Variants in CYRIA observed in about 807,000 individuals in gnomAD.
CYRIA encodes the protein CYFIP related Rac1 interactor A, also known as CYFIP-related Rac1 interactor A.
CYRIA carries 15 observed loss-of-function variants against 43.9 expected under a neutral mutation model. The observed-to-expected ratio is 0.34, with a 90% CI of 0.23 to 0.53. The LOEUF (loss-of-function observed/expected upper bound fraction) is 0.53. Ranked by LOEUF, CYRIA falls within the 20% of genes least tolerant of loss-of-function variation. CYRIA has a pLI of 0.94. For missense variants in CYRIA, 236 were observed against 394.2 expected, an observed-to-expected ratio of 0.60 and a Z score of 3.40; for synonymous variants, 117 against 136.0, an observed-to-expected ratio of 0.86 and a Z score of 0.97.
chr2:16,570,535 G>A (rs535441731), intron 3 of CYRIA, among the ~76,000 whole-genome samples: 1 of 152,166 alleles, frequency 6.6e-6, no homozygotes, highest in African/African-American at 2.4e-5. Flanking sequence ...TGGCCTTCTC[G>A]ATATTCAGAT....
intron 1 of CYRIA, among the ~76,000 whole-genome samples, chr2:16,640,611 C>T (rs542481604): frequency 1.4e-4 from 22 of 152,154 alleles, no homozygotes; most frequent in Non-Finnish European, 2.8e-4. Flanking sequence ...CACTGTGTAT[C>T]GCCCTCTCTG....
chr2:16,590,506 T>A (rs1039579103), intron 2 of CYRIA, among the ~76,000 whole-genome samples: 2 of 152,154 alleles, frequency 1.3e-5, no homozygotes, highest in Non-Finnish European at 1.5e-5. Context: ...TTGGGCTTCC[T>A]CCTAAAATTC....
At chr2:16,604,507 C>G (rs557781357) in intron 2 of CYRIA, among the ~76,000 whole-genome samples, 1 of 152,356 alleles carries the variant, frequency 6.6e-6, no homozygotes, top group East Asian at 1.9e-4. Flanking sequence ...CTGGTCACCA[C>G]AGAACCCCGT....
In CYRIA at chr2:16,552,781, A is replaced by C. The variant is rs1666360045; in HGVS notation, c.*155T>G. 1 of 589,128 alleles carries C rather than the reference A, an allele frequency of 1.7e-6. No homozygotes were observed. The highest frequency in any genetic ancestry group is 3.0e-6 in the Non-Finnish European group (1 of 328,588). The allele number at this position is 589,128 out of a possible 1,614,324, so 36.5% of individuals were successfully genotyped here. Reference sequence around the variant, plus strand: ...AGTCAATTTATGCTCTGCTGGGTTGAGTCAGTCAGGATACAAATTAAGGTC... The same window carrying C: ...AGTCAATTTATGCTCTGCTGGGTTGCGTCAGTCAGGATACAAATTAAGGTC... On this transcript the variant is annotated 3_prime_UTR_variant, in exon 12 of 12. Transcript: ENST00000381323.
chr2:16,578,994 T>C (rs1268027243), intron 3 of CYRIA, among the ~76,000 whole-genome samples: 1 of 151,800 alleles, frequency 6.6e-6, no homozygotes, highest in Non-Finnish European at 1.5e-5. Flanking sequence ...AAAACAAAAA[T>C]AAAGATAAAT....
intron 1 of CYRIA, among the ~76,000 whole-genome samples, chr2:16,634,601 A>C (rs1669435626): frequency 6.6e-6 from 1 of 152,264 alleles, no homozygotes; most frequent in African/African-American, 2.4e-5. Context: ...TATCCAGAGA[A>C]GTTATCAAAA....
intron 2 of CYRIA, among the ~76,000 whole-genome samples, chr2:16,614,287 A>C (rs1042635572): frequency 6.6e-6 from 1 of 152,208 alleles, no homozygotes; most frequent in African/African-American, 2.4e-5. Flanking sequence ...CCCTGCAGGA[A>C]ATCTGCAATC....
In CYRIA at chr2:16,578,593, G is replaced by A. The variant is rs567151462; in HGVS notation, c.70+9457C>T. ...TAATTGCTGTTTTTGCCATTGAAAA[G>A]GGAAATGCTAAAAATGAAAAATTCC... On this transcript the variant is annotated intron_variant, in intron 3 of 11. Transcript: ENST00000381323. 3.7e-3 allele frequency among the ~76,000 whole-genome samples: 569 copies of A among 152,188 alleles called. 7 individuals carry two copies. The highest frequency in any genetic ancestry group is 4.6e-3 in the Non-Finnish European group (310 of 68,004).
intron 1 of CYRIA, among the ~76,000 whole-genome samples, chr2:16,661,924 T>G (rs1172812058): frequency 6.6e-6 from 1 of 152,044 alleles, no homozygotes; most frequent in Non-Finnish European, 1.5e-5. Flanking sequence ...TTGAGAAAAA[T>G]GTATATTAAT....
At chr2:16,554,945 G>T in intron 11 of CYRIA, 124 bp downstream of exon 11, 2 of 597,352 alleles carry the variant, frequency 3.3e-6, no homozygotes, top group South Asian at 5.5e-5. Flanking sequence ...AAGATTGTTA[G>T]GAAGATTCAA....
intron 1 of CYRIA, among the ~76,000 whole-genome samples, chr2:16,651,673 C>T (rs533153990): frequency 6.6e-6 from 1 of 152,312 alleles, no homozygotes; most frequent in South Asian, 2.1e-4. Context: ...AAGATTAGCT[C>T]CACTGGAGGA....
intron 10 of CYRIA, among the ~76,000 whole-genome samples, chr2:16,556,681 G>A (rs1238393771): frequency 2.0e-5 from 3 of 152,084 alleles, no homozygotes; most frequent in African/African-American, 7.2e-5. Flanking sequence ...CTAGTGATGT[G>A]GTTAATATGG....
At position 16,550,544 on chromosome 2, in the gene CYRIA, C is replaced by G. The variant is rs956205250; in HGVS notation, c.*2392G>C. 2.6e-5 allele frequency: 4 copies of G among 152,096 alleles called. No homozygotes were observed. Among genetic ancestry groups the G allele is most frequent in the African/African-American group, 4.8e-5 (2 of 41,424 alleles). 9.4% of individuals were successfully genotyped at this position (152,096 alleles called of 1,614,324 possible). ...GCTGAGTCTTGGCTTTGAGACAAGACAAGTCTTGGCTAAATTGAGGCAGGA... is the reference window on the plus strand; with the variant it reads ...GCTGAGTCTTGGCTTTGAGACAAGAGAAGTCTTGGCTAAATTGAGGCAGGA... On this transcript the variant is annotated 3_prime_UTR_variant, in exon 12 of 12. Transcript: ENST00000381323.
At chr2:16,593,707 TG>T (rs537559157) in intron 2 of CYRIA, among the ~76,000 whole-genome samples, 9,579 of 94,550 alleles carry the variant, frequency 0.1, 777 homozygotes, top group African/African-American at 0.26. Flanking sequence ...TGTTTTTTTT[TG>T]TGTGTGTGTG....
intron 1 of CYRIA, among the ~76,000 whole-genome samples, chr2:16,665,034 C>G (rs1357181801): frequency 1.3e-5 from 2 of 152,088 alleles, no homozygotes; most frequent in Admixed American, 1.3e-4. Flanking sequence ...CACTGGCTAG[C>G]GAGTAGGAGC....
intron 1 of CYRIA, among the ~76,000 whole-genome samples, chr2:16,632,665 A>G (rs932668092): frequency 5.9e-5 from 9 of 152,206 alleles, no homozygotes; most frequent in African/African-American, 2.2e-4. Context: ...AAAAACTTCC[A>G]TCATTCTTGG....
intron 1 of CYRIA, among the ~76,000 whole-genome samples, chr2:16,637,835 T>G (rs1200150722): frequency 6.6e-6 from 1 of 152,172 alleles, no homozygotes; most frequent in Non-Finnish European, 1.5e-5. Flanking sequence ...GAGACAAAGG[T>G]CCAGAGTGCT....
chr2:16,600,525 C>T (rs1374225921), intron 2 of CYRIA, among the ~76,000 whole-genome samples: 1 of 152,126 alleles, frequency 6.6e-6, no homozygotes, highest in African/African-American at 2.4e-5. Context: ...AGGTGATGCA[C>T]ATTCTATTTA....
At chr2:16,625,191 C>G (rs1669122231) in intron 1 of CYRIA, among the ~76,000 whole-genome samples, 1 of 152,046 alleles carries the variant, frequency 6.6e-6, no homozygotes, top group Non-Finnish European at 1.5e-5. Flanking sequence ...AAGTAGGGGT[C>G]TAAAGTCCAA....
Sources: gnomAD v4.1 joint callset for allele counts (sites outside exome capture counted in the v4.1 genomes callset) on GRCh38, gnomAD v4.1.1 for gene constraint, MANE v1.5 for transcripts, NCBI Gene and HGNC (gene_info 2026-07-23, HGNC 2026-07-21) for gene names.